SMAD7: variants seen among roughly 807,000 people sequenced by gnomAD.
SMAD7 encodes MAD (mothers against decapentaplegic, Drosophila) homolog 7.
SMAD7 carries 8 observed loss-of-function variants against 38.7 expected under a neutral mutation model. The observed-to-expected ratio is 0.21, with a 90% CI of 0.12 to 0.37. The LOEUF is 0.37. Among genes scored for constraint, SMAD7 ranks in the 10% least tolerant of loss-of-function variants. The pLI is 1.00. For missense variants in SMAD7, 477 were observed against 577.9 expected, an observed-to-expected ratio of 0.83 and a Z score of 1.79; for synonymous variants, 327 against 265.1, an observed-to-expected ratio of 1.23 and a Z score of -2.27.
chr18:48,923,629 C>T (rs1298989517), intron 3 of SMAD7, among the ~76,000 whole-genome samples: 1 of 152,168 alleles, frequency 6.6e-6, no homozygotes, highest in East Asian at 1.9e-4. Flanking sequence ...CTGGCCTTCC[C>T]AAATGCCTGC....
chr18:48,945,349 C>A (rs2070183924), intron 2 of SMAD7, among the ~76,000 whole-genome samples: 1 of 152,160 alleles, frequency 6.6e-6, no homozygotes, highest in South Asian at 2.1e-4. Flanking sequence ...GTAGTCCCAG[C>A]TGCTCGGGAG....
intron 3 of SMAD7, among the ~76,000 whole-genome samples, chr18:48,939,938 C>G (rs781572750): frequency 8.6e-5 from 13 of 151,896 alleles, no homozygotes; most frequent in African/African-American, 2.2e-4. Context: ...CAGGCCACCC[C>G]CCATGGAACG....
Position 48,920,548 on chromosome 18 carries a change from G to A in SMAD7, c.*824C>T, listed in dbSNP as rs2069844023. On this transcript the variant is annotated 3_prime_UTR_variant, in exon 4 of 4. Transcript: ENST00000262158. Reference sequence around the variant, plus strand: ...CACCAGGGCAGGCAGGGGAGAGGCTGAGGGGAGAGGGCACTGGGTGAGCAA... The same window carrying A: ...CACCAGGGCAGGCAGGGGAGAGGCTAAGGGGAGAGGGCACTGGGTGAGCAA... 1 of 152,704 alleles carries A rather than the reference G, an allele frequency of 6.5e-6. No homozygotes were observed. Among genetic ancestry groups the A allele is most frequent in the South Asian group, 2.1e-4 (1 of 4,832 alleles). The allele number at this position is 152,704 out of a possible 1,614,324, so 9.5% of individuals were successfully genotyped here.
At chr18:48,931,671 A>T (rs988151742) in intron 3 of SMAD7, among the ~76,000 whole-genome samples, 1 of 152,256 alleles carries the variant, frequency 6.6e-6, no homozygotes, top group African/African-American at 2.4e-5. Context: ...GACAAAGATC[A>T]CAGATCACCG....
Position 48,920,401 on chromosome 18 carries a change from G to A in SMAD7, c.*971C>T, listed in dbSNP as rs760185024. On this transcript the variant is annotated 3_prime_UTR_variant, in exon 4 of 4. Transcript: ENST00000262158. ...ACCAAATCCTTCTTGGAGGGAAGGG[G>A]ACTGCTAAGCATGTCCCTCCCAGGG... The A allele has an allele frequency of 3.3e-5, 5 of 152,488 alleles. No homozygotes were observed. Among genetic ancestry groups the A allele is most frequent in the Non-Finnish European group, 7.3e-5 (5 of 68,068 alleles). The allele number at this position is 152,488 out of a possible 1,614,324, so 9.4% of individuals were successfully genotyped here.
intron 3 of SMAD7, among the ~76,000 whole-genome samples, chr18:48,941,373 C>G (rs1018881822): frequency 6.6e-6 from 1 of 152,204 alleles, no homozygotes; most frequent in Non-Finnish European, 1.5e-5. Context: ...TCCCTAAAGA[C>G]GTTCTCAGCA....
chr18:48,936,132 C>T (rs1295907880), intron 3 of SMAD7, among the ~76,000 whole-genome samples: 2 of 147,014 alleles, frequency 1.4e-5, no homozygotes, highest in Non-Finnish European at 3.0e-5. Context: ...CACACACACA[C>T]GAGATCCCAG....
intron 3 of SMAD7, among the ~76,000 whole-genome samples, chr18:48,940,964 C>T (rs192075477): frequency 2.0e-5 from 3 of 152,294 alleles, no homozygotes; most frequent in Admixed American, 6.5e-5. Flanking sequence ...GAAGACAAAC[C>T]TTCCGAAAGG....
At chr18:48,947,891 T>TTCC (rs1491319973) in intron 2 of SMAD7, among the ~76,000 whole-genome samples, 1 of 90,644 alleles carries the variant, frequency 1.1e-5, no homozygotes, top group East Asian at 2.5e-4. Context: ...AGGAGGAACC[T>TTCC]ACCCCCCCCC....
chr18:48,949,251 T>C (rs2070232403), intron 1 of SMAD7: 2 of 983,704 alleles, frequency 2.0e-6, no homozygotes, highest in African/African-American at 1.7e-5. Context: ...TCCATCCAAC[T>C]CTCTTTGCCC....
chr18:48,943,913 C>G (rs1219220425), intron 2 of SMAD7, among the ~76,000 whole-genome samples: 2 of 152,160 alleles, frequency 1.3e-5, no homozygotes, highest in East Asian at 1.9e-4. Flanking sequence ...GGAAGGACAA[C>G]TTTTCAAGAA....
At chr18:48,926,599 C>T (rs2069931573) in intron 3 of SMAD7, among the ~76,000 whole-genome samples, 2 of 152,242 alleles carry the variant, frequency 1.3e-5, no homozygotes, top group Non-Finnish European at 2.9e-5. Context: ...CAGGCACGGC[C>T]GCCTCCTGCA....
chr18:48,932,636 C>T (rs1320725134), intron 3 of SMAD7, among the ~76,000 whole-genome samples: 1 of 152,056 alleles, frequency 6.6e-6, no homozygotes, highest in Non-Finnish European at 1.5e-5. Flanking sequence ...CGGTTGGCCC[C>T]GGGGGAACAG....
Position 48,942,518 on chromosome 18 carries a change from T to G in SMAD7, c.705A>C (p.Thr235=). 6.2e-7 allele frequency: 1 copy of G among 1,608,068 alleles called. No individual in the cohort carries two copies. Among genetic ancestry groups the G allele is most frequent in the Non-Finnish European group, 8.5e-7 (1 of 1,177,898 alleles). The change falls in exon 3 of 4, where the codon ACA becomes ACC. Residue 235 remains threonine (T), a synonymous_variant. Transcript: ENST00000262158. ...CAGGGGCCAGATAATTCGTTCCCCC[T>G]GTTTCAGCGGAGGAAGGCACAGCAT... The part of the protein sequence containing the change: ...CPDAVPSSAE[T]GGTNYLAPGG...
chr18:48,935,741 G>T (rs1442114749), intron 3 of SMAD7, among the ~76,000 whole-genome samples: 1 of 152,172 alleles, frequency 6.6e-6, no homozygotes, highest in Non-Finnish European at 1.5e-5. Flanking sequence ...AAGAAAAAAG[G>T]AAGGTCGAAG....
At chr18:48,927,613 A>G (rs905588286) in intron 3 of SMAD7, among the ~76,000 whole-genome samples, 1 of 152,204 alleles carries the variant, frequency 6.6e-6, no homozygotes, top group Non-Finnish European at 1.5e-5. Flanking sequence ...GGCCAGCCTC[A>G]TAAGGTTGCT....
intron 3 of SMAD7, among the ~76,000 whole-genome samples, chr18:48,936,545 G>A (rs1304874498): frequency 6.6e-6 from 1 of 152,194 alleles, no homozygotes; most frequent in African/African-American, 2.4e-5. Context: ...GTTAATAATA[G>A]TTTTCTCTCA....
At chr18:48,940,798 A>C (rs1370060811) in intron 3 of SMAD7, among the ~76,000 whole-genome samples, 4 of 147,510 alleles carry the variant, frequency 2.7e-5, no homozygotes, top group African/African-American at 1.0e-4. Flanking sequence ...CGACAGAGCG[A>C]GACTTTGTCA....
intron 3 of SMAD7, among the ~76,000 whole-genome samples, chr18:48,923,954 G>A (rs545470895): frequency 1.3e-5 from 2 of 152,262 alleles, no homozygotes; most frequent in South Asian, 2.1e-4. Context: ...ACTTGTGAGC[G>A]CTGGCAATCT....
Sources: allele counts gnomAD v4.1 joint callset (sites outside exome capture counted in the v4.1 genomes callset), GRCh38; gene constraint gnomAD v4.1.1; transcripts MANE v1.5; gene names NCBI Gene and HGNC (gene_info 2026-07-23, HGNC 2026-07-21).